CFAP61: variants seen among roughly 807,000 people sequenced by gnomAD.
CFAP61 encodes the protein cilia and flagella associated protein 61.
A neutral mutation model predicts 135.6 loss-of-function variants in CFAP61; 107 were observed. The ratio of observed to expected loss-of-function variants is 0.79; its 90% CI spans 0.67 to 0.93. The LOEUF is 0.93. CFAP61 is among the 40% of genes least tolerant of loss of function. The pLI, the probability that CFAP61 is intolerant of heterozygous loss-of-function variation, is 0.00. For missense variants in CFAP61, 1,507 were observed against 1,556.2 expected (o/e 0.97, Z 0.53); for synonymous variants, 575 against 578.5 (o/e 0.99, Z 0.09).
At position 20,360,379 on chromosome 20, in the gene CFAP61, T is replaced by C; in HGVS notation, c.3683T>C (p.Leu1228Pro). The change falls in exon 27 of 27, where the codon CTG becomes CCG. Residue 1228 changes from leucine (L) to proline (P), a missense_variant. Physicochemically the swap from Leu to Pro is moderately conservative, Grantham distance 98 (BLOSUM62 -3). Coordinates refer to ENST00000245957, the MANE Select transcript of CFAP61 (RefSeq NM_015585.4). ...LDYLHYNRYH[L>P]PMYAWPGIV ...TACCTGCACTATAACCGCTACCACC[T>C]GCCCATGTACGCGTGGCCAGGCATC... 1 of 1,613,904 alleles carries C rather than the reference T, an allele frequency of 6.2e-7. No individual in the cohort carries two copies. Among genetic ancestry groups the C allele is most frequent in the Non-Finnish European group, 8.5e-7 (1 of 1,180,016 alleles).
At chr20:20,052,658 C>G (rs2043819670) in intron 1 of CFAP61, 67 bp downstream of exon 1, 2 of 1,613,242 alleles carry the variant, frequency 1.2e-6, no homozygotes, top group African/African-American at 2.7e-5. Context: ...GGGCGCATCC[C>G]CAGGTCAGCC....
chr20:20,263,243 A>C, intron 21 of CFAP61, 113 bp downstream of exon 21: 2 of 678,826 alleles, frequency 2.9e-6, no homozygotes, highest in Non-Finnish European at 4.4e-6. Context: ...TTCCAACCAA[A>C]TCATTCATCT....
At chr20:20,304,303 T>TGTGTGTGTGTGTGA (rs754913257) in intron 25 of CFAP61, among the ~76,000 whole-genome samples, 6 of 147,488 alleles carry the variant, frequency 4.1e-5, no homozygotes, top group African/African-American at 1.0e-4. Context: ...TGTGTGTGTG[T>TGTGTGTGTGTGTGA]GAGAGAGAGA....
chr20:20,331,845 G>A (rs2058011717), intron 25 of CFAP61, among the ~76,000 whole-genome samples: 1 of 152,140 alleles, frequency 6.6e-6, no homozygotes, highest in South Asian at 2.1e-4. Context: ...GCTGGCCTGG[G>A]CTCTCTGCAG....
chr20:20,311,232 T>G (rs1451671657), intron 25 of CFAP61, among the ~76,000 whole-genome samples: 1 of 152,182 alleles, frequency 6.6e-6, no homozygotes, highest in African/African-American at 2.4e-5. Flanking sequence ...TTATATCTAC[T>G]ACCAGTGAGG....
chr20:20,163,370 C>T (rs113147028), intron 10 of CFAP61, among the ~76,000 whole-genome samples: 19 of 152,104 alleles, frequency 1.2e-4, no homozygotes, highest in African/African-American at 3.6e-4. Flanking sequence ...TAGTTACTCC[C>T]AGGACCACCT....
intron 26 of CFAP61, among the ~76,000 whole-genome samples, chr20:20,351,560 C>A (rs188043581): frequency 7.5e-6 from 1 of 132,568 alleles, no homozygotes; most frequent in Non-Finnish European, 1.6e-5. Flanking sequence ...CCAGTCTGAG[C>A]GAGACTCTGT....
intron 5 of CFAP61, 115 bp downstream of exon 5, chr20:20,075,371 T>C (rs2045978530): frequency 7.0e-7 from 1 of 1,420,770 alleles, no homozygotes; most frequent in Non-Finnish European, 9.8e-7. Context: ...CAATGTACCA[T>C]GTGCATATTT....
At chr20:20,316,038 A>C (rs997555242) in intron 25 of CFAP61, among the ~76,000 whole-genome samples, 1 of 152,082 alleles carries the variant, frequency 6.6e-6, no homozygotes, top group Non-Finnish European at 1.5e-5. Context: ...TTTTGGTTCC[A>C]TATGAACTTT....
chr20:20,213,809 C>G (rs2047838764), intron 17 of CFAP61, among the ~76,000 whole-genome samples: 3 of 152,088 alleles, frequency 2.0e-5, no homozygotes, highest in Admixed American at 2.0e-4. Flanking sequence ...AAATGACATG[C>G]ATCTGTTGAA....
At chr20:20,097,659 A>T (rs1042448519) in intron 7 of CFAP61, among the ~76,000 whole-genome samples, 1 of 152,216 alleles carries the variant, frequency 6.6e-6, no homozygotes, top group Non-Finnish European at 1.5e-5. Flanking sequence ...ACTGAAAATC[A>T]TGGGGACGAC....
At chr20:20,205,346 G>A (rs1001275355) in intron 17 of CFAP61, among the ~76,000 whole-genome samples, 5 of 152,124 alleles carry the variant, frequency 3.3e-5, no homozygotes, top group African/African-American at 1.2e-4. Context: ...AGGCTTGCCA[G>A]GAGAGCAGGT....
intron 2 of CFAP61, among the ~76,000 whole-genome samples, chr20:20,059,073 G>A (rs1422531809): frequency 6.6e-6 from 1 of 152,166 alleles, no homozygotes; most frequent in African/African-American, 2.4e-5. Flanking sequence ...GCTCATGCCT[G>A]TAATCCCAGC....
chr20:20,318,919 T>C (rs1324507545), intron 25 of CFAP61, among the ~76,000 whole-genome samples: 2 of 152,226 alleles, frequency 1.3e-5, no homozygotes, highest in Non-Finnish European at 1.5e-5. Flanking sequence ...CTTCCACTTC[T>C]GGTATTGCAT....
intron 7 of CFAP61, among the ~76,000 whole-genome samples, chr20:20,096,509 C>T (rs1001196246): frequency 6.6e-6 from 1 of 152,224 alleles, no homozygotes; most frequent in African/African-American, 2.4e-5. Flanking sequence ...TAACAGCGGT[C>T]TTATAAATAA....
chr20:20,282,938 CA>C (rs34218302), intron 22 of CFAP61, among the ~76,000 whole-genome samples: 92,374 of 137,236 alleles, frequency 0.67, 30,102 homozygotes, highest in Non-Finnish European at 0.7. Context: ...GACCCTGTCT[CA>C]AAAAAAAAAA....
chr20:20,145,452 C>CA (rs1175528375), intron 9 of CFAP61, among the ~76,000 whole-genome samples: 1 of 151,716 alleles, frequency 6.6e-6, no homozygotes, highest in Non-Finnish European at 1.5e-5. Flanking sequence ...CAAAAGAAGA[C>CA]AAAAAGAGAG....
chr20:20,214,291 A>G, intron 17 of CFAP61: 1 of 152,138 alleles, frequency 6.6e-6, no homozygotes, highest in Non-Finnish European at 1.5e-5. Flanking sequence ...ACATAATCCC[A>G]CTTAAGTTAG....
intron 6 of CFAP61, among the ~76,000 whole-genome samples, chr20:20,082,495 CT>C (rs1172241259): frequency 6.6e-6 from 1 of 152,172 alleles, no homozygotes. Context: ...CTACAGTGGG[CT>C]TAATTAATCA....
Sources: gnomAD v4.1 joint callset for allele counts (sites outside exome capture counted in the v4.1 genomes callset) on GRCh38, gnomAD v4.1.1 for gene constraint, MANE v1.5 for transcripts, NCBI Gene and HGNC (gene_info 2026-07-23, HGNC 2026-07-21) for gene names.